Variants in AGBL4 observed in about 807,000 individuals in gnomAD.
AGBL4 encodes cytosolic carboxypeptidase 6.
AGBL4 carries 58 observed loss-of-function variants against 66.4 expected under a neutral mutation model. The ratio of observed to expected loss-of-function variants is 0.87; its 90% CI spans 0.71 to 1.09. The LOEUF (loss-of-function observed/expected upper bound fraction) is 1.09. Ranked by LOEUF, AGBL4 falls within the 50% of genes least tolerant of loss-of-function variation. AGBL4 has a pLI of 0.00. For synonymous variants in AGBL4, 234 were observed against 222.9 expected, an observed-to-expected ratio of 1.05 and a Z score of -0.44; for missense variants, 579 against 631.0, an observed-to-expected ratio of 0.92 and a Z score of 0.88.
chr1:49,159,055 C>T (rs1200569445), intron 4 of AGBL4, among the ~76,000 whole-genome samples: 1 of 150,792 alleles, frequency 6.6e-6, no homozygotes, highest in African/African-American at 2.4e-5. Flanking sequence ...GGCATTTAGC[C>T]CATTTCCATT....
chr1:49,959,580 G>A (rs1348228172), intron 1 of AGBL4, among the ~76,000 whole-genome samples: 3 of 152,034 alleles, frequency 2.0e-5, no homozygotes, highest in Non-Finnish European at 2.9e-5. Context: ...AAATGAGCAA[G>A]TGAAATAGGA....
rs188486362 is a variant in AGBL4 at position 49,701,133 on chromosome 1, T to C, written c.158-3696A>G. 1.7e-4 allele frequency among the ~76,000 whole-genome samples: 26 copies of C among 152,096 alleles called. No individual in the cohort carries two copies. In the East Asian group the frequency reaches 4.3e-3, roughly 25 times the overall value. The stretch of plus-strand genomic sequence containing the variant: ...TGGTTTTAGCTCTAATATCCCCAGA[T>C]AAATACTGGTTTAATAACCATTCAT... On this transcript the variant is annotated intron_variant, in intron 2 of 13. Coordinates refer to ENST00000371839, the MANE Select transcript of AGBL4 (RefSeq NM_032785.4).
In AGBL4 at chr1:49,232,162, G is replaced by A. The variant is rs189151895; in HGVS notation, c.377+13608C>T. Reference sequence around the variant, plus strand: ...TCTAAAATTAATTGCAGTGATGGTTGCACAACTCTGGGTATATTAAAAACC... The same window carrying A: ...TCTAAAATTAATTGCAGTGATGGTTACACAACTCTGGGTATATTAAAAACC... On this transcript the variant is annotated intron_variant, in intron 4 of 13. Coordinates refer to ENST00000371839, the MANE Select transcript of AGBL4 (RefSeq NM_032785.4). Among the ~76,000 whole-genome samples, 69 of 152,196 alleles carry A rather than the reference G, an allele frequency of 4.5e-4. 1 individual carries two copies. Among genetic ancestry groups the A allele is most frequent in the African/African-American group, 1.5e-3 (64 of 41,520 alleles).
In AGBL4 at chr1:49,351,455, G is replaced by GTA. The variant is rs148857726; in HGVS notation, c.283-105593_283-105592dup. Among the ~76,000 whole-genome samples, 756 of 147,674 alleles carry GTA rather than the reference G, an allele frequency of 5.1e-3. 4 individuals carry two copies. The highest frequency in any genetic ancestry group is 9.4e-3 in the African/African-American group (379 of 40,464). ...CTCTGTATATGTATAGTACACATAT[G>GTA]TATATATATATATATATGAATAAAC... On this transcript the variant is annotated intron_variant, in intron 3 of 13. Transcript: ENST00000371839.
chr1:49,692,336 C>T (rs1056382887), intron 3 of AGBL4, among the ~76,000 whole-genome samples: 1 of 152,092 alleles, frequency 6.6e-6, no homozygotes, highest in Non-Finnish European at 1.5e-5. Context: ...GCTAATTCCA[C>T]TGTGATATGC....
At chr1:48,606,048 T>C (rs1645149590) in intron 9 of AGBL4, among the ~76,000 whole-genome samples, 1 of 152,184 alleles carries the variant, frequency 6.6e-6, no homozygotes, top group African/African-American at 2.4e-5. Context: ...TGTAAAGAAC[T>C]CAATAAAGTG....
chr1:48,683,384 T>C (rs1018332268), intron 6 of AGBL4, among the ~76,000 whole-genome samples: 5 of 152,212 alleles, frequency 3.3e-5, no homozygotes, highest in African/African-American at 1.2e-4. Context: ...GACCTTGGCA[T>C]TGGCCTTCCT....
At chr1:48,841,977 A>C (rs1425060220) in intron 6 of AGBL4, among the ~76,000 whole-genome samples, 3 of 152,190 alleles carry the variant, frequency 2.0e-5, no homozygotes, top group Non-Finnish European at 4.4e-5. Context: ...TCATTCCTGA[A>C]TTCTAATCCA....
chr1:49,147,253 C>T (rs556275947), intron 4 of AGBL4, among the ~76,000 whole-genome samples: 26 of 152,150 alleles, frequency 1.7e-4, no homozygotes, highest in Non-Finnish European at 2.8e-4. Flanking sequence ...ATGACTGTCC[C>T]GAAATCATAC....
At chr1:49,902,187 T>C (rs1459287892) in intron 1 of AGBL4, among the ~76,000 whole-genome samples, 1 of 152,120 alleles carries the variant, frequency 6.6e-6, no homozygotes, top group Non-Finnish European at 1.5e-5. Flanking sequence ...AATTAACAAG[T>C]GGTGCCTAAT....
chr1:49,280,230 C>T (rs1644248060), intron 3 of AGBL4, among the ~76,000 whole-genome samples: 1 of 152,128 alleles, frequency 6.6e-6, no homozygotes, highest in Admixed American at 6.5e-5. Context: ...TAGCCACCCT[C>T]ACCACTTACC....
intron 3 of AGBL4, among the ~76,000 whole-genome samples, chr1:49,513,479 A>G (rs188403269): frequency 6.6e-6 from 1 of 151,868 alleles, no homozygotes; most frequent in Non-Finnish European, 1.5e-5. Flanking sequence ...GTGTGTGCTC[A>G]GTGTTTAGCT....
At chr1:49,517,995 A>G (rs1370284333) in intron 3 of AGBL4, among the ~76,000 whole-genome samples, 1 of 152,032 alleles carries the variant, frequency 6.6e-6, no homozygotes, top group East Asian at 1.9e-4. Flanking sequence ...TTGTTCATTC[A>G]TTCATTCACT....
At chr1:49,019,019 T>C (rs1191544738) in intron 5 of AGBL4, among the ~76,000 whole-genome samples, 2 of 152,130 alleles carry the variant, frequency 1.3e-5, no homozygotes, top group Non-Finnish European at 2.9e-5. Flanking sequence ...CTGGGCTCCT[T>C]AGGTATGTAC....
chr1:49,366,111 T>G lies in AGBL4; in HGVS notation c.283-120247A>C, dbSNP rs146764343. On this transcript the variant is annotated intron_variant, in intron 3 of 13. Transcript: ENST00000371839. ...AATGATAATTCAACTCAACTTTCAA[T>G]GCTTAAGAAAAATATCATTGCTTCT... Among the ~76,000 whole-genome samples the G allele has an allele frequency of 2.8e-4, 43 of 152,270 alleles. 1 individual carries two copies. The highest frequency in any genetic ancestry group is 3.4e-4 in the African/African-American group (14 of 41,554).
intron 6 of AGBL4, among the ~76,000 whole-genome samples, chr1:48,720,759 A>G (rs753622712): frequency 7.2e-5 from 11 of 152,170 alleles, no homozygotes; most frequent in Non-Finnish European, 1.3e-4. Context: ...CAGTTCACTG[A>G]CAGCCTTGTG....
chr1:48,634,568 C>A lies in AGBL4; in HGVS notation c.876G>T (p.Trp292Cys). ...SLMGFDLNRHWLDPSPWVHPT... is the reference protein window; with the variant it reads ...SLMGFDLNRHCLDPSPWVHPT... ...GATGGACCCATGGAGAGGGATCCAG[C>A]CAGTGACGATTCAGATCAAATCCCA... The change falls in exon 9 of 14, where the codon TGG becomes TGT. Residue 292 changes from tryptophan to cysteine, a missense_variant. Coordinates refer to ENST00000371839, the MANE Select transcript of AGBL4 (RefSeq NM_032785.4). 2 of 1,605,536 alleles carry A rather than the reference C, an allele frequency of 1.2e-6. No individual in the cohort carries two copies. The highest frequency in any genetic ancestry group is 1.7e-6 in the Non-Finnish European group (2 of 1,175,946).
At position 49,162,180 on chromosome 1, in the gene AGBL4, T is replaced by C. The variant is rs370959012; in HGVS notation, c.377+83590A>G. On this transcript the variant is annotated intron_variant, in intron 4 of 13. Transcript: ENST00000371839. Reference sequence around the variant, plus strand: ...AAACACTGGCCACTATGTTAATAAATATCATAACATACTATAATAATAATA... The same window carrying C: ...AAACACTGGCCACTATGTTAATAAACATCATAACATACTATAATAATAATA... Among the ~76,000 whole-genome samples the C allele has an allele frequency of 3.2e-4, 49 of 152,246 alleles. 1 individual carries two copies. The South Asian group carries it at 9.3e-3, about 29-fold the overall frequency.
intron 2 of AGBL4, among the ~76,000 whole-genome samples, chr1:49,763,950 C>A (rs1413758561): frequency 2.6e-5 from 4 of 152,142 alleles, no homozygotes; most frequent in African/African-American, 7.2e-5. Context: ...TCTTGTCATG[C>A]AAGGCTTGCT....
Sources: allele counts gnomAD v4.1 joint callset (sites outside exome capture counted in the v4.1 genomes callset), GRCh38; gene constraint gnomAD v4.1.1; transcripts MANE v1.5; gene names NCBI Gene and HGNC (gene_info 2026-07-23, HGNC 2026-07-21).